The following PRELID2 variants were observed in gnomAD, a reference collection of about 807,000 sequenced individuals.
PRELID2 encodes the protein PRELI domain containing 2.
PRELID2 carries 25 observed loss-of-function variants against 28.4 expected under a neutral mutation model. That is an observed-to-expected ratio of 0.88 (90% CI 0.64 to 1.23). The LOEUF is 1.23. PRELID2 is among the 50% of genes most tolerant of loss of function. The probability of loss-of-function intolerance (pLI) is 0.00; values close to 1 mark genes in which losing one functional copy is unlikely to be tolerated. For synonymous variants in PRELID2, 76 were observed against 71.6 expected, an observed-to-expected ratio of 1.06 and a Z score of -0.31; for missense variants, 201 against 214.4, an observed-to-expected ratio of 0.94 and a Z score of 0.39.
At chr5:145,508,180 C>T (rs1252165439) in intron 1 of PRELID2, among the ~76,000 whole-genome samples, 1 of 151,906 alleles carries the variant, frequency 6.6e-6, no homozygotes, top group Non-Finnish European at 1.5e-5. Flanking sequence ...TCTATCTATT[C>T]CATATTTAAA....
chr5:145,306,583 C>A, the PRELID2 span, among the ~76,000 whole-genome samples: 2 of 151,922 alleles, frequency 1.3e-5, no homozygotes, highest in Non-Finnish European at 2.9e-5. Context: ...TAAATTACTT[C>A]TTTGATGAAA....
intron 1 of PRELID2, among the ~76,000 whole-genome samples, chr5:145,494,635 TAAA>T (rs1326781310): frequency 6.6e-6 from 1 of 151,886 alleles, no homozygotes; most frequent in Admixed American, 6.6e-5. Flanking sequence ...TTAAAAAAAA[TAAA>T]AGAGAGAGAA....
the PRELID2 span, among the ~76,000 whole-genome samples, chr5:145,406,481 T>G: frequency 1.3e-5 from 2 of 152,240 alleles, no homozygotes; most frequent in African/African-American, 4.8e-5. Context: ...GTTTTTGTTT[T>G]GTTTTGTTAC....
At chr5:145,491,706 C>A (rs913553223) in intron 1 of PRELID2, among the ~76,000 whole-genome samples, 2 of 151,878 alleles carry the variant, frequency 1.3e-5, no homozygotes, top group African/African-American at 2.4e-5. Flanking sequence ...TGTAACCCCC[C>A]CAGTACCCCC....
chr5:145,538,911 C>T (rs1752723065), intron 1 of PRELID2, among the ~76,000 whole-genome samples: 1 of 151,892 alleles, frequency 6.6e-6, no homozygotes, highest in African/African-American at 2.4e-5. Context: ...TGCTCAAAAG[C>T]ACATACTCAA....
At chr5:145,674,297 T>C (rs1311039973) in intron 1 of PRELID2, among the ~76,000 whole-genome samples, 1 of 151,974 alleles carries the variant, frequency 6.6e-6, no homozygotes, top group Non-Finnish European at 1.5e-5. Flanking sequence ...TCTCCTAATG[T>C]TATCCCTCCC....
intron 1 of PRELID2, among the ~76,000 whole-genome samples, chr5:145,565,981 G>A (rs955053000): frequency 2.6e-5 from 4 of 152,222 alleles, no homozygotes; most frequent in African/African-American, 9.6e-5. Flanking sequence ...CTTTGGAGTG[G>A]AGTCAACTCT....
At chr5:145,716,596 A>T (rs1409044859) in intron 1 of PRELID2, among the ~76,000 whole-genome samples, 3 of 152,188 alleles carry the variant, frequency 2.0e-5, no homozygotes, top group African/African-American at 7.2e-5. Context: ...GCTTTCATGT[A>T]TTCATCTTTC....
intron 4 of PRELID2, among the ~76,000 whole-genome samples, chr5:145,816,251 T>C (rs1165445442): frequency 6.6e-6 from 1 of 151,598 alleles, no homozygotes; most frequent in East Asian, 1.9e-4. Context: ...CCCGGCTAAT[T>C]GTTGTATTTT....
chr5:145,472,932 T>C (rs1415967552), intron 2 of PRELID2, among the ~76,000 whole-genome samples: 1 of 152,194 alleles, frequency 6.6e-6, no homozygotes, highest in African/African-American at 2.4e-5. Context: ...TTCTTTGGAA[T>C]CTGACCTACC....
intron 1 of PRELID2, among the ~76,000 whole-genome samples, chr5:145,832,088 AT>A (rs1237850200): frequency 1.3e-5 from 2 of 152,242 alleles, no homozygotes; most frequent in African/African-American, 4.8e-5. Context: ...TTATATCTTT[AT>A]ATCAGGGTCA....
At chr5:145,254,939 A>T in the PRELID2 span, among the ~76,000 whole-genome samples, 1 of 151,148 alleles carries the variant, frequency 6.6e-6, no homozygotes, top group South Asian at 2.1e-4. Flanking sequence ...AAATGACTCC[A>T]CCCACAATTA....
downstream of PRELID2, among the ~76,000 whole-genome samples, chr5:145,467,040 T>C (rs1241338516): frequency 6.6e-6 from 1 of 152,164 alleles, no homozygotes; most frequent in Non-Finnish European, 1.5e-5. Flanking sequence ...GACCCTTTGA[T>C]GATATTATAA....
chr5:145,341,479 G>A, the PRELID2 span, among the ~76,000 whole-genome samples: 1 of 152,058 alleles, frequency 6.6e-6, no homozygotes, highest in South Asian at 2.1e-4. Flanking sequence ...GGTGGAGATT[G>A]CAGTGAGCCA....
the PRELID2 span, among the ~76,000 whole-genome samples, chr5:145,426,743 T>C: frequency 6.6e-6 from 1 of 152,216 alleles, no homozygotes; most frequent in African/African-American, 2.4e-5. Flanking sequence ...ATACAGCTAC[T>C]AAGCTGAGAT....
chr5:145,457,039 G>A, the PRELID2 span, among the ~76,000 whole-genome samples: 2 of 152,274 alleles, frequency 1.3e-5, no homozygotes, highest in African/African-American at 2.4e-5. Context: ...CCTCCAAAAT[G>A]TGATATACTT....
chr5:145,666,769 T>G (rs982914987), intron 1 of PRELID2, among the ~76,000 whole-genome samples: 1 of 152,122 alleles, frequency 6.6e-6, no homozygotes, highest in Non-Finnish European at 1.5e-5. Flanking sequence ...AGACAAGCAT[T>G]TCTCGAGTCC....
At chr5:145,612,266 T>G (rs1753627632) in intron 1 of PRELID2, among the ~76,000 whole-genome samples, 2 of 152,164 alleles carry the variant, frequency 1.3e-5, no homozygotes, top group African/African-American at 4.8e-5. Flanking sequence ...AGGGAAAGAC[T>G]TATATAATCT....
chr5:145,607,217 T>A (rs1753518435), intron 1 of PRELID2, among the ~76,000 whole-genome samples: 2 of 152,106 alleles, frequency 1.3e-5, no homozygotes, highest in Admixed American at 6.6e-5. Flanking sequence ...TGATCTTTTG[T>A]ATGATTTTTG....
Sources: allele counts gnomAD v4.1 joint callset (sites outside exome capture counted in the v4.1 genomes callset), GRCh38; gene constraint gnomAD v4.1.1; transcripts MANE v1.5; gene names NCBI Gene and HGNC (gene_info 2026-07-23, HGNC 2026-07-21).